The following MTOR variants were observed in gnomAD, a reference collection of about 807,000 sequenced individuals.
MTOR encodes mechanistic target of rapamycin kinase.
MTOR carries 70 observed loss-of-function variants against 319.8 expected under a neutral mutation model. The ratio of observed to expected loss-of-function variants is 0.22; its 90% CI spans 0.18 to 0.27. The LOEUF is 0.27. MTOR is among the 10% of genes least tolerant of loss of function. MTOR has a pLI of 1.00. For missense variants in MTOR, 1,890 were observed against 3,274.4 expected (o/e 0.58, Z 10.32); for synonymous variants, 1,183 against 1,211.4 (o/e 0.98, Z 0.49).
At chr1:11,139,117 A>G (rs745994393) in intron 36 of MTOR, 187 bp downstream of exon 36, 78 of 702,660 alleles carry the variant, frequency 1.1e-4, no homozygotes, top group African/African-American at 3.5e-5. Flanking sequence ...TATACACACC[A>G]TCTCCTCAAC....
At chr1:11,244,217 G>A (rs1365581926) in intron 8 of MTOR, among the ~76,000 whole-genome samples, 9 of 148,208 alleles carry the variant, frequency 6.1e-5, no homozygotes, top group Non-Finnish European at 4.5e-5. Context: ...GCTTGAACCC[G>A]GGAGGCGGAG....
intron 20 of MTOR, 88 bp downstream of exon 20, chr1:11,216,060 G>A (rs750315216): frequency 1.9e-5 from 17 of 889,344 alleles, no homozygotes; most frequent in African/African-American, 3.4e-5. Flanking sequence ...ACAAAGATCC[G>A]TGAAAAAAAG....
intron 28 of MTOR, among the ~76,000 whole-genome samples, chr1:11,184,491 C>T (rs931256195): frequency 3.3e-5 from 5 of 152,114 alleles, no homozygotes; most frequent in South Asian, 2.1e-4. Flanking sequence ...CCTAGCACTT[C>T]GGGAGGTTGA....
intron 19 of MTOR, among the ~76,000 whole-genome samples, chr1:11,224,520 C>T (rs1242423532): frequency 6.6e-6 from 1 of 151,830 alleles, no homozygotes; most frequent in African/African-American, 2.4e-5. Flanking sequence ...ATCAAACAAA[C>T]AAAAATTAGA....
intron 28 of MTOR, chr1:11,195,328 T>C (rs1645744774): frequency 3.6e-6 from 1 of 279,922 alleles, no homozygotes; most frequent in Non-Finnish European, 6.7e-6. Context: ...ACATGATTTG[T>C]CTGTGAAAGA....
chr1:11,212,544 A>G lies in MTOR; in HGVS notation c.3399-70T>C. The stretch of plus-strand genomic sequence containing the variant: ...CAAGGAAGAGACGTGACTGAGGGTG[A>G]GCTTAACAATCAGCACCAAAGGGAT... On this transcript the variant is annotated intron_variant, in intron 22 of 57. Coordinates refer to ENST00000361445, the MANE Select transcript of MTOR (RefSeq NM_004958.4). This position sits in a 1 kb window ranked among gnomAD's most constrained non-coding sequence, Gnocchi z 4.1. 2 of 1,544,786 alleles carry G rather than the reference A, an allele frequency of 1.3e-6. No individual in the cohort carries two copies. Among genetic ancestry groups the G allele is most frequent in the Non-Finnish European group, 1.8e-6 (2 of 1,140,642 alleles).
At chr1:11,117,445 G>C (rs1642229373) in intron 49 of MTOR, among the ~76,000 whole-genome samples, 2 of 152,214 alleles carry the variant, frequency 1.3e-5, no homozygotes. Flanking sequence ...ACAGGCCTGA[G>C]CCACTGTGCC....
chr1:11,216,334 G>T, intron 19 of MTOR, 100 bp from the exon 20 acceptor site: 1 of 805,596 alleles, frequency 1.2e-6, no homozygotes, highest in East Asian at 2.6e-5. Context: ...ACTATGGAAT[G>T]GGTTTCCACA....
intron 24 of MTOR, among the ~76,000 whole-genome samples, chr1:11,209,725 G>A (rs902111332): frequency 2.0e-5 from 3 of 152,108 alleles, no homozygotes; most frequent in Non-Finnish European, 2.9e-5. Flanking sequence ...AACAATTGTC[G>A]GCAATGGGAA....
intron 24 of MTOR, among the ~76,000 whole-genome samples, chr1:11,209,874 A>G (rs746579018): frequency 2.6e-5 from 4 of 151,968 alleles, no homozygotes; most frequent in Non-Finnish European, 4.4e-5. Context: ...CTATTTATTT[A>G]CTTATTTTTT....
At chr1:11,224,799 A>G (rs1385016189) in intron 19 of MTOR, among the ~76,000 whole-genome samples, 1 of 152,242 alleles carries the variant, frequency 6.6e-6, no homozygotes, top group Admixed American at 6.5e-5. Flanking sequence ...AAATAACTCA[A>G]GGGTAAAAGA....
rs1645817056 is a variant in MTOR, at chr1:11,197,229, A to G, written c.4253+2029T>C. Among the ~76,000 whole-genome samples, 3 of 152,056 alleles carry G rather than the reference A, an allele frequency of 2.0e-5. No homozygotes were observed. The South Asian group carries it at 6.2e-4, about 32-fold the overall frequency. On this transcript the variant is annotated intron_variant, in intron 28 of 57. Transcript: ENST00000361445. The stretch of plus-strand genomic sequence containing the variant: ...GACATAAAACCAACAGTGGGAAAAG[A>G]CCCCTGAGAAGAATTTCCATGAGGC...
rs530588560 is a variant in MTOR at position 11,122,859 on chromosome 1, T to C, written c.6663-733A>G. Among the ~76,000 whole-genome samples the C allele has an allele frequency of 2.0e-5, 3 of 152,206 alleles. No individual in the cohort carries two copies. The East Asian group carries it at 5.8e-4, about 29-fold the overall frequency. ...CCGCAGCAGGCTGGTGTGAAGTGTG[T>C]GTTGAGGGATGCTTTGTGAAGAATA... On this transcript the variant is annotated intron_variant, in intron 47 of 57. Coordinates refer to ENST00000361445, the MANE Select transcript of MTOR (RefSeq NM_004958.4).
intron 30 of MTOR, among the ~76,000 whole-genome samples, chr1:11,154,102 A>AAAAAAAAAAAAAAAAAACAAT (rs1644242159): frequency 7.4e-6 from 1 of 135,770 alleles, no homozygotes; most frequent in African/African-American, 2.7e-5. Context: ...AAAAAAAAAA[A>AAAAAAAAAAAAAAAAAACAAT]AGCCACATGT....
At chr1:11,253,646 C>T (rs1219688876) in intron 6 of MTOR, among the ~76,000 whole-genome samples, 193 bp downstream of exon 6, 2 of 152,190 alleles carry the variant, frequency 1.3e-5, no homozygotes, top group Non-Finnish European at 1.5e-5. Flanking sequence ...CTCACCCCCT[C>T]CCCATCACTC....
At chr1:11,224,663 A>ATGGT (rs1326503783) in intron 19 of MTOR, among the ~76,000 whole-genome samples, 37 of 152,222 alleles carry the variant, frequency 2.4e-4, no homozygotes, top group Non-Finnish European at 4.4e-5. Flanking sequence ...TCAATCAACC[A>ATGGT]CTAGACCATT....
At chr1:11,257,959 C>T (rs1369816568) in intron 3 of MTOR, among the ~76,000 whole-genome samples, 2 of 151,594 alleles carry the variant, frequency 1.3e-5, no homozygotes, top group Non-Finnish European at 2.9e-5. Flanking sequence ...AAAATACAAA[C>T]ATTAGCTGGG....
chr1:11,130,362 AC>A (rs1182471731), intron 39 of MTOR, among the ~76,000 whole-genome samples, 166 bp downstream of exon 39: 1 of 152,250 alleles, frequency 6.6e-6, no homozygotes, highest in Non-Finnish European at 1.5e-5. Context: ...ATATTCACAC[AC>A]AAAGCCCTAT....
intron 56 of MTOR, among the ~76,000 whole-genome samples, chr1:11,108,726 AAAAAG>A (rs1211558275): frequency 6.0e-5 from 9 of 151,140 alleles, no homozygotes; most frequent in Non-Finnish European, 1.0e-4. Flanking sequence ...AAAAAAAAAA[AAAAAG>A]AAAAGAAAAA....
Sources: allele counts gnomAD v4.1 joint callset (sites outside exome capture counted in the v4.1 genomes callset), GRCh38; gene constraint gnomAD v4.1.1; non-coding constraint Gnocchi (gnomAD v3.1); transcripts MANE v1.5; gene names NCBI Gene and HGNC (gene_info 2026-07-23, HGNC 2026-07-21).